The following AKAP19 variants were observed in gnomAD, a reference collection of about 807,000 sequenced individuals.
AKAP19 encodes A-kinase anchoring protein 19.
At chr2:190,025,230 T>G in the AKAP19 span, among the ~76,000 whole-genome samples, 2 of 152,188 alleles carry the variant, frequency 1.3e-5, no homozygotes, top group African/African-American at 4.8e-5. Flanking sequence ...ATTTTTAAGT[T>G]TCAGTTCTTT....
the AKAP19 span, among the ~76,000 whole-genome samples, chr2:190,007,354 A>G: frequency 6.6e-6 from 1 of 152,196 alleles, no homozygotes; most frequent in Non-Finnish European, 1.5e-5. Context: ...AAGCACATAC[A>G]TCTCAAATGG....
At chr2:190,175,493 T>C in the AKAP19 span, among the ~76,000 whole-genome samples, 26 of 152,354 alleles carry the variant, frequency 1.7e-4, no homozygotes, top group East Asian at 4.4e-3. Flanking sequence ...AACTCTTATT[T>C]GGAACTATTC....
the AKAP19 span, among the ~76,000 whole-genome samples, chr2:190,008,379 A>G: frequency 6.6e-6 from 1 of 152,310 alleles, no homozygotes; most frequent in African/African-American, 2.4e-5. Context: ...AATTTATCCC[A>G]GTATATACCT....
At chr2:190,093,260 TA>T in the AKAP19 span, among the ~76,000 whole-genome samples, 101,903 of 148,582 alleles carry the variant, frequency 0.69, 36,074 homozygotes, top group East Asian at 0.84. Flanking sequence ...CCGTCTCTAC[TA>T]AAAAAAAAAA....
the AKAP19 span, among the ~76,000 whole-genome samples, chr2:190,069,175 TGA>T: frequency 0.017 from 2,057 of 123,502 alleles, 67 homozygotes; most frequent in African/African-American, 0.063. Context: ...TGTGTGTGTG[TGA>T]GAGAGAGAGA....
chr2:189,975,966 G>A, the AKAP19 span, among the ~76,000 whole-genome samples: 2 of 152,128 alleles, frequency 1.3e-5, no homozygotes, highest in African/African-American at 4.8e-5. Context: ...ATCGTCTGAA[G>A]CCCTCTTCTC....
At chr2:190,032,565 C>G in the AKAP19 span, among the ~76,000 whole-genome samples, 1 of 152,166 alleles carries the variant, frequency 6.6e-6, no homozygotes, top group Admixed American at 6.5e-5. Context: ...TCTTTTCACC[C>G]CTACTAATGT....
chr2:190,136,121 AAT>A, the AKAP19 span, among the ~76,000 whole-genome samples: 13,512 of 152,224 alleles, frequency 0.089, 763 homozygotes, highest in South Asian at 0.15. Context: ...TGAACAAATA[AAT>A]ATATGGGTGT....
At chr2:189,923,901 A>G in the AKAP19 span, 1 of 1,611,458 alleles carries the variant, frequency 6.2e-7, no homozygotes, top group South Asian at 1.1e-5. Flanking sequence ...GAGCTGACCC[A>G]GATAAAACAA....
the AKAP19 span, among the ~76,000 whole-genome samples, chr2:189,919,414 C>T: frequency 7.9e-5 from 12 of 151,494 alleles, no homozygotes; most frequent in African/African-American, 2.7e-4. Flanking sequence ...TTTTTACATC[C>T]TTTTTTTTCT....
chr2:190,188,792 C>T, the AKAP19 span, among the ~76,000 whole-genome samples: 1 of 152,040 alleles, frequency 6.6e-6, no homozygotes, highest in South Asian at 2.1e-4. Flanking sequence ...TTTTTTCCCT[C>T]TTGGCTCTTA....
chr2:190,060,813 C>A, the AKAP19 span, among the ~76,000 whole-genome samples: 1 of 151,968 alleles, frequency 6.6e-6, no homozygotes, highest in Non-Finnish European at 1.5e-5. Context: ...TGAGTAGTTA[C>A]ACTTACTGAG....
the AKAP19 span, among the ~76,000 whole-genome samples, chr2:190,038,911 T>TTCTTCTTCTTCTTCTTCTTCTTCTTCC: frequency 8.9e-6 from 1 of 112,102 alleles, no homozygotes; most frequent in African/African-American, 4.6e-5. Flanking sequence ...TTTCTTCTTC[T>TTCTTCTTCTTCTTCTTCTTCTTCTTCC]TCTTCTTCTT....
chr2:190,167,960 C>G, the AKAP19 span, among the ~76,000 whole-genome samples: 9 of 152,172 alleles, frequency 5.9e-5, no homozygotes, highest in Non-Finnish European at 1.3e-4. Flanking sequence ...CACGGCTCCA[C>G]CAGGTGGTGC....
At chr2:189,959,267 G>A in the AKAP19 span, among the ~76,000 whole-genome samples, 1 of 151,994 alleles carries the variant, frequency 6.6e-6, no homozygotes, top group Non-Finnish European at 1.5e-5. Flanking sequence ...AATTATACAT[G>A]CTTTCCCTTC....
At chr2:189,980,337 C>A in the AKAP19 span, among the ~76,000 whole-genome samples, 1 of 152,116 alleles carries the variant, frequency 6.6e-6, no homozygotes, top group Non-Finnish European at 1.5e-5. Flanking sequence ...TGTTTTCACT[C>A]ATTTTTTAGT....
At chr2:189,916,418 T>C in the AKAP19 span, among the ~76,000 whole-genome samples, 1 of 150,926 alleles carries the variant, frequency 6.6e-6, no homozygotes, top group Non-Finnish European at 1.5e-5. Flanking sequence ...ACCTCCCAGG[T>C]TCAAGCAATT....
the AKAP19 span, among the ~76,000 whole-genome samples, chr2:189,951,670 C>A: frequency 3.3e-5 from 5 of 152,192 alleles, no homozygotes; most frequent in African/African-American, 1.2e-4. Flanking sequence ...AATATTTCTT[C>A]ACTCTTCCAA....
At chr2:189,972,009 G>A in the AKAP19 span, among the ~76,000 whole-genome samples, 2 of 152,096 alleles carry the variant, frequency 1.3e-5, no homozygotes, top group South Asian at 4.2e-4. Flanking sequence ...TGTCAATTTT[G>A]GCTTTTGTTG....
Sources: gnomAD v4.1 joint callset for allele counts (sites outside exome capture counted in the v4.1 genomes callset) on GRCh38, gnomAD v4.1.1 for gene constraint, MANE v1.5 for transcripts, NCBI Gene and HGNC (gene_info 2026-07-23, HGNC 2026-07-21) for gene names.